The following CEP19 variants were observed in gnomAD, a reference collection of about 807,000 sequenced individuals.
The protein encoded by CEP19 is centrosomal protein 19, also known as centrosomal protein of 19 kDa.
In CEP19, 14 loss-of-function variants were observed where a neutral mutation model predicts 17.5. The observed-to-expected ratio is 0.80, with a 90% CI of 0.53 to 1.25. The LOEUF (loss-of-function observed/expected upper bound fraction) is 1.25, where lower values mean the gene tolerates loss of function less well. CEP19 is among the 50% of genes most tolerant of loss of function. The probability of loss-of-function intolerance (pLI) is 0.00; values close to 1 mark genes in which losing one functional copy is unlikely to be tolerated. For missense variants in CEP19, 193 were observed against 192.0 expected (o/e 1.01, Z -0.03); for synonymous variants, 59 against 65.5 (o/e 0.90, Z 0.48).
In CEP19 at chr3:196,706,315, T is replaced by A. The variant is rs964026544; in HGVS notation, c.*1236A>T. ...TTTTATTTAATAAACATCAATTTCCTTGTAGAAAACATAGAATTTCTACCA... is the reference window on the plus strand; with the variant it reads ...TTTTATTTAATAAACATCAATTTCCATGTAGAAAACATAGAATTTCTACCA... On this transcript the variant is annotated 3_prime_UTR_variant, in exon 3 of 3. Transcript: ENST00000409690. 6.6e-6 allele frequency: 1 copy of A among 152,214 alleles called. No homozygotes were observed. The highest frequency in any genetic ancestry group is 1.5e-5 in the Non-Finnish European group (1 of 68,044). The allele number at this position is 152,214 out of a possible 1,614,324, so 9.4% of individuals were successfully genotyped here.
Position 196,709,047 on chromosome 3 carries a change from G to A in CEP19, c.-70-320C>T, listed in dbSNP as rs543292381. On this transcript the variant is annotated intron_variant, in intron 1 of 2. Coordinates refer to ENST00000409690, the MANE Select transcript of CEP19 (RefSeq NM_032898.5). ...CAACCTGTTGGATCCCTAAGATCTG[G>A]TTTTTTCAAGGATATAGACTTGTTC... The A allele has an allele frequency of 6.4e-5, 12 of 187,522 alleles. 1 individual carries two copies. The South Asian group carries it at 1.4e-3, about 21-fold the overall frequency. The allele number at this position is 187,522 out of a possible 1,614,324, so 11.6% of individuals were successfully genotyped here. A position where few individuals can be genotyped will look rare whatever the true frequency, so the allele number is the denominator to read the frequency against.
At position 196,712,086 on chromosome 3, in the gene CEP19, A is replaced by G. The variant is rs1302589263; in HGVS notation, c.-228T>C. 1 of 677,062 alleles carries G rather than the reference A, an allele frequency of 1.5e-6. No homozygotes were observed. Among genetic ancestry groups the G allele is most frequent in the African/African-American group, 1.8e-5 (1 of 56,232 alleles). 41.9% of individuals were successfully genotyped at this position (677,062 alleles called of 1,614,324 possible). On this transcript the variant is annotated 5_prime_UTR_variant, in exon 1 of 3. Transcript: ENST00000409690. ...AGGAAGAGGCGACAGCCACAGCCCT[A>G]CTGACGAGCCCGAGGGGTGAACTCC...
rs1182118911 is a variant in CEP19, at chr3:196,708,417, T to G, written c.130+111A>C. ...TATAGATTAGGAAACTGAAGCTCAC[T>G]GAGAGTAAGTAATTCATCCAGTGTC... On this transcript the variant is annotated intron_variant, in intron 2 of 2. Coordinates refer to ENST00000409690, the MANE Select transcript of CEP19 (RefSeq NM_032898.5). The G allele has an allele frequency of 4.2e-6, 4 of 963,356 alleles. No homozygotes were observed. In the African/African-American group the frequency reaches 6.5e-5, roughly 16 times the overall value. 59.7% of individuals were successfully genotyped at this position (963,356 alleles called of 1,614,324 possible).
chr3:196,708,844 C>CG, intron 1 of CEP19, 117 bp from the exon 2 acceptor site: 3 of 578,526 alleles, frequency 5.2e-6, no homozygotes, highest in Non-Finnish European at 9.0e-6. Flanking sequence ...CTGTGAAACT[C>CG]ATTTTTTTTA....
chr3:196,710,374 G>A lies in CEP19; in HGVS notation c.-71+1555C>T, dbSNP rs183775565. ...GCCTGGCCAACATGGTGAAAACCAC[G>A]TCTGTACTAAAAATACAAAAATTAG... On this transcript the variant is annotated intron_variant, in intron 1 of 2. Coordinates refer to ENST00000409690, the MANE Select transcript of CEP19 (RefSeq NM_032898.5). 7.0e-4 allele frequency among the ~76,000 whole-genome samples: 106 copies of A among 151,884 alleles called. No individual in the cohort carries two copies. In the Middle Eastern group the frequency reaches 0.024, roughly 34 times the overall value.
chr3:196,712,243 A>G lies in CEP19; in HGVS notation c.-385T>C, dbSNP rs1711837343. On this transcript the variant is annotated 5_prime_UTR_variant, in exon 1 of 3. Transcript: ENST00000409690. The stretch of plus-strand genomic sequence containing the variant: ...CGAGCGCTGGCCTAGCGGTTTCCAC[A>G]GCGACAGGCCGGGCGCGCGTCCCCG... 2.1e-6 allele frequency: 1 copy of G among 471,006 alleles called. No individual in the cohort carries two copies. 29.2% of individuals were successfully genotyped at this position (471,006 alleles called of 1,614,324 possible).
chr3:196,711,361 T>G (rs1711768872), intron 1 of CEP19, among the ~76,000 whole-genome samples: 1 of 152,030 alleles, frequency 6.6e-6, no homozygotes. Context: ...AGTCTCCCTC[T>G]GTCGCCTAGG....
At position 196,707,712 on chromosome 3, in the gene CEP19, T is replaced by C. The variant is rs778631034; in HGVS notation, c.331A>G (p.Lys111Glu). The C allele has an allele frequency of 3.7e-6, 6 of 1,614,088 alleles. No individual in the cohort carries two copies. Among genetic ancestry groups the C allele is most frequent in the African/African-American group, 1.3e-5 (1 of 74,928 alleles). The change falls in exon 3 of 3, where the codon AAG (lysine) becomes GAG (glutamate). Residue 111 changes from lysine to glutamate, a missense_variant. Transcript: ENST00000409690. ...ATGCTCTTTCTTTTGGCAAGCTCCT[T>C]GTCATCTAGTTTGTTCAGGTCTTCC... The part of the protein sequence containing the change: ...PEEDLNKLDD[K>E]ELAKRKSIMD...
chr3:196,707,963 T>C (rs1711590498), intron 2 of CEP19, 51 bp from the exon 3 acceptor site: 1 of 1,552,812 alleles, frequency 6.4e-7, no homozygotes, highest in Non-Finnish European at 8.6e-7. Context: ...GTACATCATA[T>C]ACGCCATAAA....
At chr3:196,708,474 G>A in intron 2 of CEP19, 54 bp downstream of exon 2, 1 of 1,543,582 alleles carries the variant, frequency 6.5e-7, no homozygotes. Flanking sequence ...GTCATGATGT[G>A]AACCTGTATT....
chr3:196,709,787 C>A (rs1483058454), intron 1 of CEP19, among the ~76,000 whole-genome samples: 1 of 152,200 alleles, frequency 6.6e-6, no homozygotes, highest in East Asian at 1.9e-4. Context: ...ATACACTTAA[C>A]CCTAAGCACT....
rs368514311 is a variant in CEP19 at position 196,707,797 on chromosome 3, C to T, written c.246G>A (p.Ser82=). The change falls in exon 3 of 3, where the codon TCG becomes TCA. Residue 82 remains serine (S), a synonymous_variant. Transcript: ENST00000409690. ...CCATTGTTTCTGCCAGACTCTGCCC[C>T]GACAAGTAACCTCGTAAAAAACTGA... ...KLFSFLRGYL[S]GQSLAETMEQ... The T allele has an allele frequency of 1.1e-5, 18 of 1,614,020 alleles. No homozygotes were observed. The African/African-American group carries it at 1.7e-4, about 16-fold the overall frequency.
intron 1 of CEP19, among the ~76,000 whole-genome samples, chr3:196,709,579 C>T (rs1311536099): frequency 2.0e-5 from 3 of 152,204 alleles, no homozygotes; most frequent in East Asian, 1.9e-4. Flanking sequence ...TTCATATACA[C>T]GTCAGTAACG....
In CEP19 at chr3:196,707,649, C is replaced by T. The variant is rs769791036; in HGVS notation, c.394G>A (p.Asp132Asn). ...ELFEKNQKKKDDPNFVYDIEV... is the reference protein window; with the variant it reads ...ELFEKNQKKKNDPNFVYDIEV... Reference sequence around the variant, plus strand: ...ATGTCATAAACAAAATTTGGATCATCCTTCTTCTTCTGATTTTTCTCAAAA... The same window carrying T: ...ATGTCATAAACAAAATTTGGATCATTCTTCTTCTTCTGATTTTTCTCAAAA... The change falls in exon 3 of 3, where the codon GAT (aspartate) becomes AAT (asparagine). Residue 132 changes from aspartate to asparagine, a missense_variant. Transcript: ENST00000409690. The T allele has an allele frequency of 1.9e-6, 3 of 1,614,008 alleles. No homozygotes were observed. The highest frequency in any genetic ancestry group is 2.5e-6 in the Non-Finnish European group (3 of 1,179,998).
intron 1 of CEP19, among the ~76,000 whole-genome samples, chr3:196,711,108 G>GTTTT (rs10669996): frequency 1.3e-5 from 2 of 148,380 alleles, no homozygotes; most frequent in African/African-American, 2.5e-5. Context: ...AAATAATGTA[G>GTTTT]TTTTTTTTTT....
chr3:196,708,033 T>C lies in CEP19; in HGVS notation c.131-121A>G, dbSNP rs1031658413. 2.4e-5 allele frequency: 26 copies of C among 1,090,320 alleles called. No individual in the cohort carries two copies. In the East Asian group the frequency reaches 2.6e-4, roughly 11 times the overall value. The allele number at this position is 1,090,320 out of a possible 1,614,324, so 67.5% of individuals were successfully genotyped here. On this transcript the variant is annotated intron_variant, in intron 2 of 2. Coordinates refer to ENST00000409690, the MANE Select transcript of CEP19 (RefSeq NM_032898.5). ...AACCCTGAAAATATTATCTCCATTA[T>C]AGTCAAGTAGCTAAATGGCTTGATT...
At chr3:196,708,942 G>A in intron 1 of CEP19, 1 of 335,122 alleles carries the variant, frequency 3.0e-6, no homozygotes, top group Non-Finnish European at 5.5e-6. Context: ...CCAATTGTGG[G>A]GTATGTGCGC....
intron 2 of CEP19, 57 bp from the exon 3 acceptor site, chr3:196,707,969 A>T: frequency 6.5e-7 from 1 of 1,533,970 alleles, no homozygotes; most frequent in African/African-American, 1.4e-5. Context: ...CATATACGCC[A>T]TAAACTACTG....
chr3:196,709,301 T>C (rs112301017), intron 1 of CEP19, among the ~76,000 whole-genome samples: 3 of 152,214 alleles, frequency 2.0e-5, no homozygotes, highest in African/African-American at 7.2e-5. Flanking sequence ...TCCAGAACTG[T>C]CTCCTTTGTA....
Sources: gnomAD v4.1 joint callset for allele counts (sites outside exome capture counted in the v4.1 genomes callset) on GRCh38, gnomAD v4.1.1 for gene constraint, MANE v1.5 for transcripts, NCBI Gene and HGNC (gene_info 2026-07-23, HGNC 2026-07-21) for gene names.